The following KDM1B variants were observed in gnomAD, a reference collection of about 807,000 sequenced individuals.
KDM1B encodes lysine-specific histone demethylase 2.
A neutral mutation model predicts 107.4 loss-of-function variants in KDM1B; 63 were observed. That is an observed-to-expected ratio of 0.59 (90% confidence interval 0.48 to 0.72). The LOEUF (loss-of-function observed/expected upper bound fraction) is 0.72, where lower values mean the gene tolerates loss of function less well. Among genes scored for constraint, KDM1B ranks in the 30% least tolerant of loss-of-function variants. The probability of loss-of-function intolerance (pLI) is 0.00; values close to 1 mark genes in which losing one functional copy is unlikely to be tolerated. For synonymous variants in KDM1B, 363 were observed against 363.9 expected (o/e 1.00, Z 0.03); for missense variants, 749 against 1,020.8 (o/e 0.73, Z 3.63).
rs1274870153 is a variant in KDM1B, at chr6:18,200,818, G to GT, written c.1359+244dup. ...TTCCTTGTTCTTTGCAGGCCACTTG[G>GT]TTATCTCATAATTTTAGAGTTGCCA... On this transcript the variant is annotated intron_variant, in intron 13 of 21. Transcript: ENST00000650836. The surrounding 1 kb of genome is among the most constrained non-coding windows in gnomAD (Gnocchi z 4.3). Among the ~76,000 whole-genome samples, 2 of 151,946 alleles carry GT rather than the reference G, an allele frequency of 1.3e-5. No individual in the cohort carries two copies. Among genetic ancestry groups the GT allele is most frequent in the African/African-American group, 4.8e-5 (2 of 41,370 alleles).
chr6:18,187,753 C>T (rs1156870399), intron 8 of KDM1B, 39 bp from the exon 9 acceptor site: 1 of 1,347,944 alleles, frequency 7.4e-7, no homozygotes. Flanking sequence ...CATTTCTTGT[C>T]TGTCCTTGTC....
At chr6:18,180,621 G>A (rs1786396894) in intron 7 of KDM1B, among the ~76,000 whole-genome samples, 1 of 151,998 alleles carries the variant, frequency 6.6e-6, no homozygotes, top group African/African-American at 2.4e-5. Flanking sequence ...GCTGGAGTGC[G>A]GTGACACCAT....
intron 10 of KDM1B, among the ~76,000 whole-genome samples, chr6:18,196,124 G>A (rs1188356251): frequency 6.6e-6 from 1 of 152,106 alleles, no homozygotes; most frequent in Non-Finnish European, 1.5e-5. Context: ...AACATAATGT[G>A]CTTCTGGTTC....
chr6:18,166,292 A>G lies in KDM1B; in HGVS notation c.331A>G (p.Thr111Ala), dbSNP rs781119907. 1.9e-6 allele frequency: 3 copies of G among 1,603,440 alleles called. No homozygotes were observed. Among genetic ancestry groups the G allele is most frequent in the Non-Finnish European group, 1.7e-6 (2 of 1,170,308 alleles). ...RSHKDGYDKY[T>A]TWKKIWTSNG... ...CCATAAGGATGGATATGACAAATAT[A>G]CTACATGGAAAAAAATATGGACTAG... Residue 111 changes from threonine to alanine, a missense_variant, in exon 6 of 22, where the codon ACT becomes GCT. Coordinates refer to ENST00000650836, the MANE Select transcript of KDM1B (RefSeq NM_001364614.2).
At chr6:18,193,610 A>AT (rs1323277185) in intron 10 of KDM1B, among the ~76,000 whole-genome samples, 5 of 151,590 alleles carry the variant, frequency 3.3e-5, no homozygotes, top group South Asian at 2.1e-4. Flanking sequence ...CCTTGAAATG[A>AT]TTTTTTTTAA....
chr6:18,171,298 G>A (rs1785648567), intron 6 of KDM1B, 65 bp from the exon 7 acceptor site: 2 of 840,652 alleles, frequency 2.4e-6, no homozygotes, highest in Non-Finnish European at 4.2e-6. Context: ...CCAAGTGGTG[G>A]AGGATAGAAA....
intron 7 of KDM1B, among the ~76,000 whole-genome samples, chr6:18,184,330 A>G (rs573779651): frequency 1.5e-5 from 2 of 131,438 alleles, no homozygotes; most frequent in Admixed American, 1.9e-4. Context: ...GCTGGAGTTC[A>G]GTGTTGCGAT....
chr6:18,197,015 G>T lies in KDM1B; in HGVS notation c.970-42G>T. 6.5e-7 allele frequency: 1 copy of T among 1,534,814 alleles called. No homozygotes were observed. Among genetic ancestry groups the T allele is most frequent in the Non-Finnish European group, 8.9e-7 (1 of 1,122,326 alleles). ...TCCTGCTATTGTTTGAATTTCTTGGGACTTTTTTAAAAAAGCAGTTTGGTT... is the reference window on the plus strand; with the variant it reads ...TCCTGCTATTGTTTGAATTTCTTGGTACTTTTTTAAAAAAGCAGTTTGGTT... On this transcript the variant is annotated intron_variant, in intron 10 of 21. Transcript: ENST00000650836. The surrounding 1 kb of genome is among the most constrained non-coding windows in gnomAD (Gnocchi z 4.5).
At position 18,191,050 on chromosome 6, in the gene KDM1B, C is replaced by G. The variant is rs534668542; in HGVS notation, c.785-147C>G. 10 of 550,402 alleles carry G rather than the reference C, an allele frequency of 1.8e-5. No homozygotes were observed. In the East Asian group the frequency reaches 2.1e-4, roughly 11 times the overall value. The allele number at this position is 550,402 out of a possible 1,614,324, so 34.1% of individuals were successfully genotyped here. A position where few individuals can be genotyped will look rare whatever the true frequency, so the allele number is the denominator to read the frequency against. On this transcript the variant is annotated intron_variant, in intron 9 of 21. Coordinates refer to ENST00000650836, the MANE Select transcript of KDM1B (RefSeq NM_001364614.2). This position sits in a 1 kb window ranked among gnomAD's most constrained non-coding sequence, Gnocchi z 5.1. ...AATACTTAATTTATGTACGTTTTGT[C>G]TAACTGGGTGGAGGAAGCAAAGGTA...
chr6:18,206,795 G>T (rs749973708), intron 15 of KDM1B, among the ~76,000 whole-genome samples: 1 of 152,058 alleles, frequency 6.6e-6, no homozygotes, highest in African/African-American at 2.4e-5. Context: ...CCGTGGAGTC[G>T]GAAACACTGC....
intron 12 of KDM1B, among the ~76,000 whole-genome samples, chr6:18,198,915 T>C (rs1254752652): frequency 7.2e-6 from 1 of 138,508 alleles, no homozygotes; most frequent in Non-Finnish European, 1.5e-5. Context: ...GTGCCTGTAA[T>C]CCCAGCACTT....
At chr6:18,173,197 T>G (rs1222103806) in intron 7 of KDM1B, among the ~76,000 whole-genome samples, 1 of 152,178 alleles carries the variant, frequency 6.6e-6, no homozygotes, top group African/African-American at 2.4e-5. Context: ...TACAACATTT[T>G]GTAGTGTTAT....
intron 9 of KDM1B, among the ~76,000 whole-genome samples, chr6:18,189,883 C>T (rs407507): frequency 0.1 from 15,914 of 152,018 alleles, 916 homozygotes; most frequent in South Asian, 0.22. Flanking sequence ...CAGTGGCTCA[C>T]ACCTGTAATC....
At chr6:18,176,444 A>T (rs1786015832) in intron 7 of KDM1B, among the ~76,000 whole-genome samples, 2 of 152,034 alleles carry the variant, frequency 1.3e-5, no homozygotes, top group African/African-American at 4.8e-5. Context: ...GATGCCCTTT[A>T]TCTCTTTCTC....
intron 6 of KDM1B, among the ~76,000 whole-genome samples, chr6:18,170,491 T>A (rs1343691777): frequency 6.6e-6 from 1 of 152,232 alleles, no homozygotes; most frequent in East Asian, 1.9e-4. Flanking sequence ...CGCTGATTTT[T>A]TTTTTTTAGA....
At chr6:18,179,713 C>T (rs1381482751) in intron 7 of KDM1B, among the ~76,000 whole-genome samples, 1 of 151,430 alleles carries the variant, frequency 6.6e-6, no homozygotes, top group East Asian at 1.9e-4. Flanking sequence ...GGCTTTGTCT[C>T]GGTATCCTTT....
At chr6:18,188,093 T>A in intron 9 of KDM1B, 91 bp downstream of exon 9, 4 of 1,188,802 alleles carry the variant, frequency 3.4e-6, no homozygotes, top group South Asian at 1.3e-5. Context: ...GGATTTTTTT[T>A]AAATGTGCAG....
At chr6:18,182,885 G>C (rs369113706) in intron 7 of KDM1B, among the ~76,000 whole-genome samples, 1 of 152,070 alleles carries the variant, frequency 6.6e-6, no homozygotes, top group East Asian at 1.9e-4. Context: ...GACGTCCTGC[G>C]TTTAATTTAG....
chr6:18,156,304 G>A (rs1210780128), intron 2 of KDM1B, among the ~76,000 whole-genome samples: 2 of 152,136 alleles, frequency 1.3e-5, no homozygotes, highest in Non-Finnish European at 2.9e-5. Context: ...GGAAGGAAGA[G>A]GCCGACCCAG....
Sources: allele counts gnomAD v4.1 joint callset (sites outside exome capture counted in the v4.1 genomes callset), GRCh38; gene constraint gnomAD v4.1.1; non-coding constraint Gnocchi (gnomAD v3.1); transcripts MANE v1.5; gene names NCBI Gene and HGNC (gene_info 2026-07-23, HGNC 2026-07-21).